Variants in EDDM13 observed in about 807,000 individuals in gnomAD.
The protein encoded by EDDM13 is epididymal protein 13.
A neutral mutation model predicts 17.8 loss-of-function variants in EDDM13; 24 were observed. That is an observed-to-expected ratio of 1.35 (90% CI 0.98 to 1.90). The LOEUF (loss-of-function observed/expected upper bound fraction) is 1.90. Among genes scored for constraint, EDDM13 ranks in the 40% most tolerant of loss-of-function variants. EDDM13 has a pLI of 0.00. For synonymous variants in EDDM13, 31 were observed against 37.5 expected, an observed-to-expected ratio of 0.83 and a Z score of 0.63; for missense variants, 97 against 100.8, an observed-to-expected ratio of 0.96 and a Z score of 0.16.
chr19:56,302,626 C>T (rs1461673811), intron 13 of EDDM13, among the ~76,000 whole-genome samples: 3 of 129,470 alleles, frequency 2.3e-5, no homozygotes, highest in African/African-American at 5.9e-5. Context: ...TTCCTCCCTC[C>T]CTCCTCCTCC....
At chr19:56,300,414 G>T (rs886196449) in intron 12 of EDDM13, among the ~76,000 whole-genome samples, 2 of 152,162 alleles carry the variant, frequency 1.3e-5, no homozygotes, top group African/African-American at 4.8e-5. Context: ...CTTAATCCAA[G>T]GGAAAAATAA....
At chr19:56,282,374 C>A (rs1306046109) in intron 3 of EDDM13, 117 bp from the exon 4 acceptor site, 3 of 479,820 alleles carry the variant, frequency 6.3e-6, no homozygotes, top group South Asian at 8.8e-5. Context: ...CTATGGGGTG[C>A]AATGAGGTAC....
At chr19:56,301,270 G>T (rs2040210083) in intron 12 of EDDM13, among the ~76,000 whole-genome samples, 1 of 152,248 alleles carries the variant, frequency 6.6e-6, no homozygotes, top group South Asian at 2.1e-4. Context: ...ATAAACAAGG[G>T]GTGGATTATT....
chr19:56,301,324 G>A (rs899825592), intron 12 of EDDM13, among the ~76,000 whole-genome samples: 4 of 152,080 alleles, frequency 2.6e-5, no homozygotes, highest in African/African-American at 9.7e-5. Flanking sequence ...TGGAGCTGAG[G>A]GTGCCTCCCC....
At chr19:56,292,200 G>A (rs1023825613) in intron 9 of EDDM13, among the ~76,000 whole-genome samples, 6 of 152,220 alleles carry the variant, frequency 3.9e-5, no homozygotes, top group Non-Finnish European at 7.3e-5. Flanking sequence ...AAAAGTCACT[G>A]TTTGCCACAT....
At chr19:56,300,767 G>T (rs1223699394) in intron 12 of EDDM13, among the ~76,000 whole-genome samples, 4 of 151,810 alleles carry the variant, frequency 2.6e-5, no homozygotes, top group Non-Finnish European at 1.5e-5. Flanking sequence ...TTTATTTTTT[G>T]ATTGGAAACC....
intron 12 of EDDM13, among the ~76,000 whole-genome samples, chr19:56,301,183 G>C (rs759416504): frequency 2.0e-5 from 3 of 152,212 alleles, no homozygotes; most frequent in Admixed American, 6.5e-5. Flanking sequence ...AGGAATAAAA[G>C]ACTGGCTACT....
At chr19:56,276,015 ATCTGAG>A (rs2038220656) in intron 1 of EDDM13, among the ~76,000 whole-genome samples, 71 bp from the exon 2 acceptor site, 1 of 152,074 alleles carries the variant, frequency 6.6e-6, no homozygotes, top group Non-Finnish European at 1.5e-5. Context: ...TATTGCACTG[ATCTGAG>A]TCTAATGCTA....
At chr19:56,291,550 CTCCT>C (rs1226338229) in intron 9 of EDDM13, among the ~76,000 whole-genome samples, 1 of 152,078 alleles carries the variant, frequency 6.6e-6, no homozygotes, top group Non-Finnish European at 1.5e-5. Flanking sequence ...TTCCTCTCCT[CTCCT>C]TCCTTCCTTC....
chr19:56,278,101 A>T (rs76204740), intron 2 of EDDM13, among the ~76,000 whole-genome samples: 8 of 144,858 alleles, frequency 5.5e-5, no homozygotes, highest in Non-Finnish European at 9.0e-5. Flanking sequence ...ACAATGTGCT[A>T]TTTTTTTTTT....
intron 14 of EDDM13, among the ~76,000 whole-genome samples, chr19:56,307,634 C>G (rs767671636): frequency 6.6e-6 from 1 of 152,042 alleles, no homozygotes; most frequent in Non-Finnish European, 1.5e-5. Flanking sequence ...AAAATCTGAG[C>G]CCACAGAGAT....
At chr19:56,284,670 A>G (rs1199853960) in intron 5 of EDDM13, among the ~76,000 whole-genome samples, 1 of 151,750 alleles carries the variant, frequency 6.6e-6, no homozygotes, top group Non-Finnish European at 1.5e-5. Flanking sequence ...ACCCACCACC[A>G]TGTCTGCCTA....
At chr19:56,294,232 G>C (rs1015953669) in intron 9 of EDDM13, among the ~76,000 whole-genome samples, 2 of 152,200 alleles carry the variant, frequency 1.3e-5, no homozygotes, top group African/African-American at 4.8e-5. Flanking sequence ...GGCCCACCAG[G>C]TGCCAAGCTC....
intron 6 of EDDM13, among the ~76,000 whole-genome samples, chr19:56,286,024 T>A (rs2039089455): frequency 6.6e-6 from 1 of 152,150 alleles, no homozygotes. Flanking sequence ...TATCTAACTT[T>A]TTATTTATTT....
chr19:56,285,721 C>T (rs1349941093), intron 6 of EDDM13, among the ~76,000 whole-genome samples: 5 of 152,102 alleles, frequency 3.3e-5, no homozygotes, highest in South Asian at 2.1e-4. Context: ...CCTCGTGATC[C>T]GCCCGCCTTG....
intron 9 of EDDM13, among the ~76,000 whole-genome samples, chr19:56,292,180 T>A (rs2039554325): frequency 6.6e-6 from 1 of 152,250 alleles, no homozygotes. Flanking sequence ...TTCATCATGC[T>A]GTTCCCTGAA....
chr19:56,274,256 C>T (rs2038077470), intron 1 of EDDM13, among the ~76,000 whole-genome samples: 1 of 152,080 alleles, frequency 6.6e-6, no homozygotes, highest in Non-Finnish European at 1.5e-5. Context: ...AAGCTCAAGA[C>T]CAGCCTGGCC....
chr19:56,306,198 C>T (rs987214357), intron 14 of EDDM13, among the ~76,000 whole-genome samples: 1 of 152,226 alleles, frequency 6.6e-6, no homozygotes, highest in Non-Finnish European at 1.5e-5. Context: ...GTAGCCTGGT[C>T]AAGGCTAGGG....
At chr19:56,274,674 C>T (rs1468710394) in intron 1 of EDDM13, 1 of 152,168 alleles carries the variant, frequency 6.6e-6, no homozygotes, top group African/African-American at 2.4e-5. Flanking sequence ...TTACAGACCT[C>T]ATTCAAATTT....
Sources: gnomAD v4.1 joint callset for allele counts (sites outside exome capture counted in the v4.1 genomes callset) on GRCh38, gnomAD v4.1.1 for gene constraint, MANE v1.5 for transcripts, NCBI Gene and HGNC (gene_info 2026-07-23, HGNC 2026-07-21) for gene names.